Variants in APBB2 observed in about 807,000 individuals in gnomAD.
The protein encoded by APBB2 is Fe65-like 1.
A neutral mutation model predicts 82.5 loss-of-function variants in APBB2; 38 were observed. The ratio of observed to expected loss-of-function variants is 0.46; its 90% CI spans 0.36 to 0.60. The LOEUF is 0.60. APBB2 is among the 20% of genes least tolerant of loss of function. The probability of loss-of-function intolerance (pLI) is 0.00; values close to 1 mark genes in which losing one functional copy is unlikely to be tolerated. For missense variants in APBB2, 772 were observed against 972.3 expected, an observed-to-expected ratio of 0.79 and a Z score of 2.74; for synonymous variants, 341 against 368.2, an observed-to-expected ratio of 0.93 and a Z score of 0.85.
At chr4:41,138,590 C>A (rs370743597) in intron 2 of APBB2, among the ~76,000 whole-genome samples, 2 of 152,138 alleles carry the variant, frequency 1.3e-5, no homozygotes, top group Non-Finnish European at 1.5e-5. Flanking sequence ...GACTAAGAAG[C>A]TCAATGACTG....
intron 3 of APBB2, among the ~76,000 whole-genome samples, chr4:41,076,652 C>T (rs138706734): frequency 2.0e-5 from 3 of 152,264 alleles, no homozygotes; most frequent in East Asian, 3.9e-4. Flanking sequence ...TGCGAGGCCA[C>T]CAATTGACAA....
chr4:41,006,004 A>G (rs1806600345), intron 6 of APBB2, among the ~76,000 whole-genome samples: 1 of 152,062 alleles, frequency 6.6e-6, no homozygotes, highest in Admixed American at 6.6e-5. Flanking sequence ...CTCATTAACC[A>G]TTGTTAGACT....
chr4:41,213,808 G>T (rs575750793), intron 1 of APBB2, among the ~76,000 whole-genome samples: 2 of 152,286 alleles, frequency 1.3e-5, no homozygotes, highest in South Asian at 4.2e-4. Context: ...GGGGGAAAAG[G>T]AACTTTTCCC....
At chr4:41,041,426 A>C (rs568340162) in intron 4 of APBB2, among the ~76,000 whole-genome samples, 2 of 152,336 alleles carry the variant, frequency 1.3e-5, no homozygotes, top group East Asian at 3.9e-4. Flanking sequence ...AGAAGTGTAC[A>C]CACTGAATTG....
Position 40,845,588 on chromosome 4 carries a change from C to CAAAAAAAAAAAAAAAAAA in APBB2, c.1530-15029_1530-15012dup, listed in dbSNP as rs71198606. Reference sequence around the variant, plus strand: ...GAATCCAAATGAAAAGGAAATTCCTCAAAAAAAAAAAAAAAAAAAAAAAAA... The same window carrying CAAAAAAAAAAAAAAAAAA: ...GAATCCAAATGAAAAGGAAATTCCTCAAAAAAAAAAAAAAAAAAAAAAAAAAAAAAAAAAAAAAAAAAA... On this transcript the variant is annotated intron_variant, in intron 12 of 17. Transcript: ENST00000508593. 6.0e-4 allele frequency among the ~76,000 whole-genome samples: 34 copies of CAAAAAAAAAAAAAAAAAA among 56,476 alleles called. 1 individual carries two copies. Among genetic ancestry groups the CAAAAAAAAAAAAAAAAAA allele is most frequent in the Non-Finnish European group, 8.4e-4 (28 of 33,442 alleles). 37.1% of individuals were successfully genotyped at this position (56,476 alleles called of 152,430 possible). A position where few individuals can be genotyped will look rare whatever the true frequency, so the allele number is the denominator to read the frequency against.
intron 5 of APBB2, among the ~76,000 whole-genome samples, chr4:41,031,116 T>G (rs1716586355): frequency 6.6e-6 from 1 of 152,136 alleles, no homozygotes; most frequent in African/African-American, 2.4e-5. Flanking sequence ...TCCCAGTTAC[T>G]CGGGAGCCTG....
At chr4:41,205,493 G>A (rs1777706506) in intron 1 of APBB2, among the ~76,000 whole-genome samples, 1 of 151,948 alleles carries the variant, frequency 6.6e-6, no homozygotes, top group Non-Finnish European at 1.5e-5. Context: ...TTGGGTCCCT[G>A]GGAAAAAAGG....
Position 40,814,133 on chromosome 4 carries a change from A to G in APBB2, c.*1959T>C, listed in dbSNP as rs1181427038. ...GTACCATGAGTTAGGAATGTCTACC[A>G]CAAGTAGCATCTGGAAAATCTCGTA... On this transcript the variant is annotated 3_prime_UTR_variant, in exon 18 of 18. Transcript: ENST00000508593. The G allele has an allele frequency of 6.6e-6, 1 of 152,212 alleles. No homozygotes were observed. Among genetic ancestry groups the G allele is most frequent in the Non-Finnish European group, 1.5e-5 (1 of 68,046 alleles). 9.4% of individuals were successfully genotyped at this position (152,212 alleles called of 1,614,324 possible).
chr4:41,148,129 T>C (rs1761300003), intron 1 of APBB2, among the ~76,000 whole-genome samples: 2 of 152,328 alleles, frequency 1.3e-5, no homozygotes, highest in Admixed American at 6.5e-5. Flanking sequence ...AAAGAACTAC[T>C]ATGAAAACCG....
intron 2 of APBB2, among the ~76,000 whole-genome samples, chr4:41,125,205 T>C (rs374736812): frequency 1.3e-5 from 2 of 152,230 alleles, no homozygotes; most frequent in African/African-American, 4.8e-5. Context: ...TTTCATAACT[T>C]AAAGCACAAG....
chr4:41,159,961 G>GAGAAGAAGAAGAAGAAGAAGAAGA lies in APBB2; in HGVS notation c.-416-16843_-416-16820dup, dbSNP rs1161043741. On this transcript the variant is annotated intron_variant, in intron 1 of 17. Coordinates refer to ENST00000508593, the MANE Select transcript of APBB2 (RefSeq NM_004307.2). ...GGAGGAGGAGAAGGAGAAGGAGAAG[G>GAGAAGAAGAAGAAGAAGAAGAAGA]AGAAGAAGAAGAAGAAGAAGAAGAA... is the stretch of plus-strand genomic sequence containing the variant. 1.4e-3 allele frequency among the ~76,000 whole-genome samples: 44 copies of GAGAAGAAGAAGAAGAAGAAGAAGA among 31,984 alleles called. 3 individuals carry two copies. Among genetic ancestry groups the GAGAAGAAGAAGAAGAAGAAGAAGA allele is most frequent in the East Asian group, 2.0e-3 (2 of 998 alleles). The allele number at this position is 31,984 out of a possible 152,430, so 21.0% of individuals were successfully genotyped here.
intron 3 of APBB2, among the ~76,000 whole-genome samples, chr4:41,070,086 C>T (rs540884527): frequency 3.7e-4 from 57 of 152,312 alleles, no homozygotes; most frequent in African/African-American, 1.3e-3. Context: ...CCTCTCCTCC[C>T]AGATGCTCAT....
rs78122692 is a variant in APBB2 at position 41,153,169 on chromosome 4, T to A, written c.-416-10027A>T. Among the ~76,000 whole-genome samples the A allele has an allele frequency of 5.9e-5, 9 of 152,276 alleles. No individual in the cohort carries two copies. In the East Asian group the frequency reaches 1.7e-3, roughly 29 times the overall value. On this transcript the variant is annotated intron_variant, in intron 1 of 17. Transcript: ENST00000508593. Reference sequence around the variant, plus strand: ...CTCTTCAGGTAACCTATCTTTTGTGTTTGCTTACACATAAAGCTTGGGTTT... The same window carrying A: ...CTCTTCAGGTAACCTATCTTTTGTGATTGCTTACACATAAAGCTTGGGTTT...
At position 40,911,805 on chromosome 4, in the gene APBB2, G is replaced by A. The variant is rs574916175; in HGVS notation, c.1255-18394C>T. Among the ~76,000 whole-genome samples, 191 of 152,246 alleles carry A rather than the reference G, an allele frequency of 1.3e-3. 2 individuals carry two copies. The highest frequency in any genetic ancestry group is 4.4e-3 in the African/African-American group (181 of 41,540). ...GGACACGGATTCCTGTGCTGGAGCC[G>A]AGCCTCCATGCAGAGCTTTGTGCTA... On this transcript the variant is annotated intron_variant, in intron 10 of 17. Coordinates refer to ENST00000508593, the MANE Select transcript of APBB2 (RefSeq NM_004307.2).
intron 5 of APBB2, among the ~76,000 whole-genome samples, chr4:41,019,182 G>A (rs1014323902): frequency 2.0e-5 from 3 of 152,198 alleles, no homozygotes; most frequent in African/African-American, 7.2e-5. Context: ...CAGGTTTACG[G>A]GAGGGACTTT....
intron 3 of APBB2, among the ~76,000 whole-genome samples, chr4:41,075,218 G>T (rs577651582): frequency 6.6e-6 from 1 of 152,300 alleles, no homozygotes; most frequent in South Asian, 2.1e-4. Flanking sequence ...TGAATTGATT[G>T]CCCTTTGACT....
At chr4:40,982,319 AAAG>A (rs1560447315) in intron 6 of APBB2, among the ~76,000 whole-genome samples, 2 of 71,780 alleles carry the variant, frequency 2.8e-5, no homozygotes, top group Non-Finnish European at 5.7e-5. Context: ...AGAAAGAAAG[AAAG>A]AAAAGAAAGA....
intron 1 of APBB2, among the ~76,000 whole-genome samples, chr4:41,169,080 G>A (rs1365358448): frequency 6.6e-6 from 1 of 151,668 alleles, no homozygotes; most frequent in Non-Finnish European, 1.5e-5. Context: ...AGCTACTCAG[G>A]AGGCTGAGGC....
chr4:40,936,284 C>CTCTG (rs1361387117), intron 7 of APBB2, among the ~76,000 whole-genome samples: 6 of 152,232 alleles, frequency 3.9e-5, no homozygotes, highest in Admixed American at 3.3e-4. Context: ...CAGGGTCTCA[C>CTCTG]TCTGTCACCC....
Sources: allele counts gnomAD v4.1 joint callset (sites outside exome capture counted in the v4.1 genomes callset), GRCh38; gene constraint gnomAD v4.1.1; transcripts MANE v1.5; gene names NCBI Gene and HGNC (gene_info 2026-07-23, HGNC 2026-07-21).